The following PDPK1 variants were observed in gnomAD, a reference collection of about 807,000 sequenced individuals.
PDPK1 encodes 3-phosphoinositide-dependent protein kinase 1.
A neutral mutation model predicts 39.8 loss-of-function variants in PDPK1; 7 were observed. The ratio of observed to expected loss-of-function variants is 0.18; its 90% confidence interval spans 0.10 to 0.33. The LOEUF (loss-of-function observed/expected upper bound fraction) is 0.33, where lower values mean the gene tolerates loss of function less well. Among genes scored for constraint, PDPK1 ranks in the 10% least tolerant of loss-of-function variants. PDPK1 has a pLI of 1.00. For missense variants in PDPK1, 182 were observed against 384.7 expected, an observed-to-expected ratio of 0.47 and a Z score of 4.41; for synonymous variants, 118 against 159.1, an observed-to-expected ratio of 0.74 and a Z score of 1.95.
chr16:2,598,864 A>G lies in PDPK1; in HGVS notation c.*1097A>G, dbSNP rs957370829. 4.3e-6 allele frequency: 1 copy of G among 233,296 alleles called. No individual in the cohort carries two copies. Among genetic ancestry groups the G allele is most frequent in the Non-Finnish European group, 8.5e-6 (1 of 118,072 alleles). The allele number at this position is 233,296 out of a possible 1,614,324, so 14.5% of individuals were successfully genotyped here. ...CACGCCCCTTTTGTGTTTTGGTTCA[A>G]GTTTCTCAGAGCCCCTCAGAGCTTC... is the stretch of plus-strand genomic sequence containing the variant. On this transcript the variant is annotated 3_prime_UTR_variant, in exon 14 of 14. Transcript: ENST00000342085.
At chr16:2,578,375 G>A (rs2066758115) in intron 7 of PDPK1, 2 of 144,524 alleles carry the variant, frequency 1.4e-5, no homozygotes, top group South Asian at 4.4e-4. Context: ...GGGGAAAGTG[G>A]AGAAGCCCAG....
intron 10 of PDPK1, among the ~76,000 whole-genome samples, chr16:2,585,850 G>A (rs890562848): frequency 6.6e-6 from 1 of 152,230 alleles, no homozygotes; most frequent in African/African-American, 2.4e-5. Flanking sequence ...CAGGGCCTGC[G>A]TCTGGAGGCA....
intron 1 of PDPK1, chr16:2,539,116 G>C (rs1396894703): frequency 5.1e-6 from 1 of 196,510 alleles, no homozygotes; most frequent in South Asian, 5.6e-5. Flanking sequence ...TCTCCCTCTC[G>C]ACGCGCAGGC....
At chr16:2,545,431 T>C (rs2066324506) in intron 1 of PDPK1, among the ~76,000 whole-genome samples, 2 of 151,918 alleles carry the variant, frequency 1.3e-5, no homozygotes, top group African/African-American at 2.4e-5. Flanking sequence ...TCCCTTGGGC[T>C]CAAGCCATCC....
At chr16:2,586,533 A>C in intron 10 of PDPK1, 143 bp from the exon 11 acceptor site, 2 of 662,704 alleles carry the variant, frequency 3.0e-6, no homozygotes, top group Non-Finnish European at 5.3e-6. Flanking sequence ...ATGGAGGAGA[A>C]TCAGGGCTGC....
chr16:2,539,705 G>A (rs1469616059), intron 1 of PDPK1, among the ~76,000 whole-genome samples: 2 of 152,234 alleles, frequency 1.3e-5, no homozygotes, highest in Non-Finnish European at 2.9e-5. Context: ...GCCAGGCTCA[G>A]TGGAGGCTGG....
At chr16:2,577,937 C>T (rs1191336261) in intron 7 of PDPK1, among the ~76,000 whole-genome samples, 2 of 148,110 alleles carry the variant, frequency 1.4e-5, no homozygotes, top group Non-Finnish European at 3.0e-5. Flanking sequence ...CGGGGTTTCA[C>T]CATGTTGGCT....
At chr16:2,553,142 G>A (rs969696458) in intron 1 of PDPK1, among the ~76,000 whole-genome samples, 9 of 143,276 alleles carry the variant, frequency 6.3e-5, no homozygotes, top group Non-Finnish European at 1.2e-4. Context: ...GTTTTTGGTG[G>A]ACTTCTCTTG....
At chr16:2,540,491 C>T (rs551478668) in intron 1 of PDPK1, among the ~76,000 whole-genome samples, 3 of 152,190 alleles carry the variant, frequency 2.0e-5, no homozygotes, top group South Asian at 2.1e-4. Context: ...CTGCCCCTCA[C>T]GTTCGGAGCC....
chr16:2,545,019 G>A (rs980235219), intron 1 of PDPK1, among the ~76,000 whole-genome samples: 12 of 150,312 alleles, frequency 8.0e-5, no homozygotes, highest in African/African-American at 2.5e-4. Context: ...CATCACATCC[G>A]AGATAGCATT....
chr16:2,595,426 C>T (rs967420225), intron 11 of PDPK1, among the ~76,000 whole-genome samples: 9 of 152,162 alleles, frequency 5.9e-5, no homozygotes, highest in South Asian at 2.1e-4. Flanking sequence ...AGCCACCTTT[C>T]GGGAGGCAGT....
chr16:2,599,030 A>C lies in PDPK1; in HGVS notation c.*1263A>C. 1 of 233,422 alleles carries C rather than the reference A, an allele frequency of 4.3e-6. No homozygotes were observed. Among genetic ancestry groups the C allele is most frequent in the Non-Finnish European group, 8.5e-6 (1 of 118,162 alleles). The allele number at this position is 233,422 out of a possible 1,614,324, so 14.5% of individuals were successfully genotyped here. A position where few individuals can be genotyped will look rare whatever the true frequency, so the allele number is the denominator to read the frequency against. On this transcript the variant is annotated 3_prime_UTR_variant, in exon 14 of 14. Coordinates refer to ENST00000342085, the MANE Select transcript of PDPK1 (RefSeq NM_002613.5). The stretch of plus-strand genomic sequence containing the variant: ...CCAGCTTGCTGGTCGGCTTTCCTCT[A>C]GAGAGAGCCGGTTTTGGGGCCATTT...
In PDPK1 at chr16:2,602,473, C is replaced by T. The variant is rs1042608063; in HGVS notation, c.*4706C>T. The T allele has an allele frequency of 4.3e-6, 1 of 235,080 alleles. No homozygotes were observed. Among genetic ancestry groups the T allele is most frequent in the African/African-American group, 2.2e-5 (1 of 45,348 alleles). The allele number at this position is 235,080 out of a possible 1,614,324, so 14.6% of individuals were successfully genotyped here. A position where few individuals can be genotyped will look rare whatever the true frequency, so the allele number is the denominator to read the frequency against. ...TTCTTCCATATGAAGAAACACCAAA[C>T]TATGTACAGAGAACTTTTTACAAAA... On this transcript the variant is annotated 3_prime_UTR_variant, in exon 14 of 14. Transcript: ENST00000342085.
At position 2,599,910 on chromosome 16, in the gene PDPK1, C is replaced by T. The variant is rs1226362657; in HGVS notation, c.*2143C>T. On this transcript the variant is annotated 3_prime_UTR_variant, in exon 14 of 14. Transcript: ENST00000342085. The stretch of plus-strand genomic sequence containing the variant: ...CTGGATAGAACCACCACCTCCTGGG[C>T]GTCACTGACAAGCTCCATCTTAACC... 9 of 233,166 alleles carry T rather than the reference C, an allele frequency of 3.9e-5. No homozygotes were observed. The South Asian group carries it at 7.2e-4, about 19-fold the overall frequency. 14.4% of individuals were successfully genotyped at this position (233,166 alleles called of 1,614,324 possible).
At chr16:2,580,331 C>T (rs1316167608) in intron 7 of PDPK1, among the ~76,000 whole-genome samples, 1 of 145,258 alleles carries the variant, frequency 6.9e-6, no homozygotes, top group South Asian at 2.2e-4. Flanking sequence ...CCTGCATGGG[C>T]AGGAGGAGGT....
intron 10 of PDPK1, among the ~76,000 whole-genome samples, chr16:2,586,161 G>A (rs527994439): frequency 6.6e-6 from 1 of 152,354 alleles, no homozygotes; most frequent in East Asian, 1.9e-4. Context: ...GGATTAAGAG[G>A]AATGTCTTTT....
intron 12 of PDPK1, among the ~76,000 whole-genome samples, chr16:2,596,231 C>T (rs1034947255): frequency 6.6e-6 from 1 of 152,028 alleles, no homozygotes; most frequent in Non-Finnish European, 1.5e-5. Flanking sequence ...TTGCTCTGTC[C>T]CCCAGGCTAG....
chr16:2,591,716 C>T (rs547363691), intron 11 of PDPK1, among the ~76,000 whole-genome samples: 4 of 152,136 alleles, frequency 2.6e-5, no homozygotes, highest in Non-Finnish European at 5.9e-5. Context: ...CCTTATCAGC[C>T]GAACAGGAGA....
chr16:2,585,936 G>A (rs1223841246), intron 10 of PDPK1, among the ~76,000 whole-genome samples: 2 of 152,194 alleles, frequency 1.3e-5, no homozygotes, highest in Non-Finnish European at 2.9e-5. Flanking sequence ...CCTTGTCCTT[G>A]GCCTCCACAG....
Sources: gnomAD v4.1 joint callset for allele counts (sites outside exome capture counted in the v4.1 genomes callset) on GRCh38, gnomAD v4.1.1 for gene constraint, MANE v1.5 for transcripts, NCBI Gene and HGNC (gene_info 2026-07-23, HGNC 2026-07-21) for gene names.